TET2: variants seen among roughly 807,000 people sequenced by gnomAD.
TET2 encodes the protein tet methylcytosine dioxygenase 2, also known as methylcytosine dioxygenase TET2.
A neutral mutation model predicts 142.9 loss-of-function variants in TET2; 299 were observed. The observed-to-expected ratio is 2.09, with a 90% CI of 1.90 to 2.30. TET2 has a LOEUF of 2.30. TET2 is among the 30% of genes most tolerant of loss of function. The pLI is 0.00. For synonymous variants in TET2, 819 were observed against 849.0 expected, an observed-to-expected ratio of 0.96 and a Z score of 0.61; for missense variants, 2,418 against 2,378.0, an observed-to-expected ratio of 1.02 and a Z score of -0.35.
intron 1 of TET2, among the ~76,000 whole-genome samples, chr4:105,163,358 AT>A: frequency 6.6e-6 from 1 of 152,294 alleles, no homozygotes; most frequent in East Asian, 1.9e-4. Context: ...AACATAGTTT[AT>A]TTTCAAACAT....
At chr4:105,204,152 C>G (rs11721948) in intron 2 of TET2, among the ~76,000 whole-genome samples, 1 of 150,306 alleles carries the variant, frequency 6.7e-6, no homozygotes, top group African/African-American at 2.4e-5. Context: ...GAGTTGAGTT[C>G]GCGTCACTGC....
Position 105,243,616 on chromosome 4 carries a change from G to T in TET2, c.3641G>T (p.Arg1214Leu), listed in dbSNP as rs765414159. The change falls in exon 6 of 11, where the codon CGG (arginine) becomes CTG (leucine). Residue 1214 changes from arginine to leucine, a missense_variant. Transcript: ENST00000380013. The stretch of plus-strand genomic sequence containing the variant: ...GAAGAGAAGCTACTGTGTTTGGTGC[G>T]GGAGCGAGCTGGCCACACCTGTGAG... Reference protein sequence around the residue: ...SSEEKLLCLVRERAGHTCEAA... With the variant: ...SSEEKLLCLVLERAGHTCEAA... The T allele has an allele frequency of 6.4e-7, 1 of 1,551,578 alleles. No homozygotes were observed. The highest frequency in any genetic ancestry group is 8.7e-7 in the Non-Finnish European group (1 of 1,146,958).
At chr4:105,264,499 T>G (rs1730595317) in intron 8 of TET2, among the ~76,000 whole-genome samples, 1 of 152,176 alleles carries the variant, frequency 6.6e-6, no homozygotes, top group African/African-American at 2.4e-5. Context: ...TGATTCTTAT[T>G]ATGGACCGTC....
rs1731280475 is a variant in TET2, at chr4:105,277,566, C to T, written c.*1047C>T. 2 of 227,682 alleles carry T rather than the reference C, an allele frequency of 8.8e-6. No individual in the cohort carries two copies. The highest frequency in any genetic ancestry group is 3.6e-4 in the South Asian group (2 of 5,488). The allele number at this position is 227,682 out of a possible 1,614,324, so 14.1% of individuals were successfully genotyped here. On this transcript the variant is annotated 3_prime_UTR_variant, in exon 11 of 11. Coordinates refer to ENST00000380013, the MANE Select transcript of TET2 (RefSeq NM_001127208.3). ...TAAAATATTTTTGCTTTTAGCCATG[C>T]ATCTGCTGATGAGCAATTGTGTCCA...
intron 2 of TET2, chr4:105,202,579 G>C (rs1325192435): frequency 6.6e-6 from 1 of 152,054 alleles, no homozygotes; most frequent in African/African-American, 2.4e-5. Context: ...CATTGCTCTT[G>C]AATACATTGG....
At position 105,237,106 on chromosome 4, in the gene TET2, AAGTTGAAATG is replaced by A. The variant is rs1728988565; in HGVS notation, c.3165_3174del (p.Lys1055AsnfsTer8). 1 of 1,613,970 alleles carries A rather than the reference AAGTTGAAATG, an allele frequency of 6.2e-7. No individual in the cohort carries two copies. On this transcript the variant is annotated frameshift_variant, in exon 3 of 11. Coordinates refer to ENST00000380013, the MANE Select transcript of TET2 (RefSeq NM_001127208.3). LOFTEE classifies it high-confidence loss of function. ...ACTCTCAAATCACAGAAGCAAGTAAAAGTTGAAATGTCAGGGCCAGTCACAGTTTTGACTA... is the reference window on the plus strand; with the variant it reads ...ACTCTCAAATCACAGAAGCAAGTAAATCAGGGCCAGTCACAGTTTTGACTA...
In TET2 at chr4:105,204,232, TATAC is replaced by T. The variant is rs1434534801; in HGVS notation, c.-47+13729_-47+13732del. On this transcript the variant is annotated intron_variant, in intron 2 of 10. Coordinates refer to ENST00000380013, the MANE Select transcript of TET2 (RefSeq NM_001127208.3). ...AAACAAACCAAAAAAAAAAAAAATA[TATAC>T]ACACACACACACACACACACACACA... Among the ~76,000 whole-genome samples the T allele has an allele frequency of 4.1e-3, 440 of 107,728 alleles. 5 individuals carry two copies. Among genetic ancestry groups the T allele is most frequent in the African/African-American group, 0.011 (295 of 25,846 alleles). The allele number at this position is 107,728 out of a possible 152,430, so 70.7% of individuals were successfully genotyped here. A position where few individuals can be genotyped will look rare whatever the true frequency, so the allele number is the denominator to read the frequency against.
In TET2 at chr4:105,275,791, C is replaced by T; in HGVS notation, c.5281C>T (p.His1761Tyr). 3.9e-6 allele frequency: 6 copies of T among 1,551,712 alleles called. No individual in the cohort carries two copies. The highest frequency in any genetic ancestry group is 5.2e-6 in the Non-Finnish European group (6 of 1,146,984). ...AAATGGTGAACATCATTCACCTTCT[C>T]ACATAATCCATAACTACAGTGCAGC... ...YKNGEHHSPS[H>Y]IIHNYSAAPG... Residue 1761 changes from histidine to tyrosine, a missense_variant, in exon 11 of 11, where the codon CAC (histidine) becomes TAC (tyrosine). His to Tyr is a moderately conservative substitution (Grantham distance 83). Transcript: ENST00000380013.
chr4:105,225,441 C>T (rs1349856287), intron 2 of TET2, among the ~76,000 whole-genome samples: 1 of 152,092 alleles, frequency 6.6e-6, no homozygotes, highest in East Asian at 1.9e-4. Context: ...GTCACTGGTT[C>T]TCCTCCCTCA....
In TET2 at chr4:105,234,643, A is replaced by G. The variant is rs745633518; in HGVS notation, c.701A>G (p.Tyr234Cys). 10 of 1,614,052 alleles carry G rather than the reference A, an allele frequency of 6.2e-6. No homozygotes were observed. Among genetic ancestry groups the G allele is most frequent in the Non-Finnish European group, 7.6e-6 (9 of 1,180,024 alleles). The change falls in exon 3 of 11, where the codon TAT becomes TGT. Residue 234 changes from tyrosine (Y) to cysteine (C), a missense_variant. Physicochemically the swap from Tyr to Cys is radical, Grantham distance 194. Coordinates refer to ENST00000380013, the MANE Select transcript of TET2 (RefSeq NM_001127208.3). ...ELLEKTLSQY[Y>C]PDCVSIAVQK... is the part of the protein sequence containing the mutation. ...CTGGAAAAAACACTGTCTCAATATT[A>G]TCCAGATTGTGTTTCCATTGCGGTG...
chr4:105,230,740 T>C (rs1372248489), intron 2 of TET2, among the ~76,000 whole-genome samples: 1 of 152,212 alleles, frequency 6.6e-6, no homozygotes, highest in Non-Finnish European at 1.5e-5. Flanking sequence ...TTTAACTCTT[T>C]TTACATGTTT....
At chr4:105,254,135 T>C (rs1227400423) in intron 6 of TET2, among the ~76,000 whole-genome samples, 1 of 152,208 alleles carries the variant, frequency 6.6e-6, no homozygotes, top group Non-Finnish European at 1.5e-5. Context: ...GCTGCCCTCA[T>C]AGAATAAGTT....
chr4:105,153,389 A>T (rs148287113), intron 1 of TET2, among the ~76,000 whole-genome samples: 5 of 152,324 alleles, frequency 3.3e-5, no homozygotes, highest in African/African-American at 1.2e-4. Flanking sequence ...AAAACAGAGA[A>T]GTTTAGCACA....
At position 105,222,177 on chromosome 4, in the gene TET2, G is replaced by A. The variant is rs181888142; in HGVS notation, c.-46-11720G>A. Among the ~76,000 whole-genome samples the A allele has an allele frequency of 3.4e-3, 525 of 152,182 alleles. 3 individuals carry two copies. Among genetic ancestry groups the A allele is most frequent in the African/African-American group, 0.012 (494 of 41,498 alleles). Reference sequence around the variant, plus strand: ...GTGAATAGTGCCGCAATAAACATACGTGTGCATGTGTCTTTATAGCAGCAT... The same window carrying A: ...GTGAATAGTGCCGCAATAAACATACATGTGCATGTGTCTTTATAGCAGCAT... On this transcript the variant is annotated intron_variant, in intron 2 of 10. Coordinates refer to ENST00000380013, the MANE Select transcript of TET2 (RefSeq NM_001127208.3).
At chr4:105,271,682 TTTAGATCACA>T (rs1242913269) in intron 9 of TET2, among the ~76,000 whole-genome samples, 2 of 152,238 alleles carry the variant, frequency 1.3e-5, no homozygotes, top group Admixed American at 6.5e-5. Context: ...CTAATTTTAT[TTTAGATCACA>T]TTAGATCACA....
At chr4:105,269,504 G>A (rs1292720286) in intron 8 of TET2, 106 bp from the exon 9 acceptor site, 2 of 1,230,172 alleles carry the variant, frequency 1.6e-6, no homozygotes, top group African/African-American at 3.0e-5. Flanking sequence ...ATATATTTAA[G>A]TTCAAAACAT....
chr4:105,247,913 G>T (rs746387950), intron 6 of TET2, among the ~76,000 whole-genome samples: 20 of 151,586 alleles, frequency 1.3e-4, no homozygotes, highest in Admixed American at 1.2e-3. Flanking sequence ...GTAGAGACGG[G>T]GTTTCGCCAT....
chr4:105,236,531 T>A lies in TET2; in HGVS notation c.2589T>A (p.His863Gln). The change falls in exon 3 of 11, where the codon CAT becomes CAA. Residue 863 changes from histidine (H) to glutamine (Q), a missense_variant. Transcript: ENST00000380013. The stretch of plus-strand genomic sequence containing the variant: ...CAGGAAACAAGACCCAAAACTTGCA[T>A]CACATGCAATATTTTCCAAATAATG... ...LFAGNKTQNL[H>Q]HMQYFPNNVI... The A allele has an allele frequency of 1.9e-6, 3 of 1,614,112 alleles. No individual in the cohort carries two copies. The highest frequency in any genetic ancestry group is 2.5e-6 in the Non-Finnish European group (3 of 1,180,008).
chr4:105,212,969 G>A (rs1006312115), intron 2 of TET2, among the ~76,000 whole-genome samples: 10 of 151,992 alleles, frequency 6.6e-5, no homozygotes, highest in Non-Finnish European at 1.5e-4. Flanking sequence ...TAGCCTGGTC[G>A]ACAGAGTGAG....
Sources: allele counts gnomAD v4.1 joint callset (sites outside exome capture counted in the v4.1 genomes callset), GRCh38; gene constraint gnomAD v4.1.1; transcripts MANE v1.5; gene names NCBI Gene and HGNC (gene_info 2026-07-23, HGNC 2026-07-21).